Variants in CATSPERB observed in about 807,000 individuals in gnomAD.
The protein encoded by CATSPERB is catsper channel auxiliary subunit beta.
CATSPERB carries 93 observed loss-of-function variants against 128.3 expected under a neutral mutation model. The ratio of observed to expected loss-of-function variants is 0.72; its 90% CI spans 0.61 to 0.86. The LOEUF is 0.86. Among genes scored for constraint, CATSPERB ranks in the 40% least tolerant of loss-of-function variants. The probability of loss-of-function intolerance (pLI) is 0.00; values close to 1 mark genes in which losing one functional copy is unlikely to be tolerated. For missense variants in CATSPERB, 1,153 were observed against 1,329.5 expected (o/e 0.87, Z 2.06); for synonymous variants, 381 against 448.8 (o/e 0.85, Z 1.91).
intron 13 of CATSPERB, among the ~76,000 whole-genome samples, chr14:91,671,847 G>GT (rs1895095608): frequency 7.2e-5 from 11 of 151,874 alleles, no homozygotes; most frequent in African/African-American, 2.7e-4. Flanking sequence ...GTGAAACCCT[G>GT]CCTCTACTAA....
At chr14:91,628,936 C>CAT (rs1175250442) in intron 17 of CATSPERB, among the ~76,000 whole-genome samples, 3 of 152,198 alleles carry the variant, frequency 2.0e-5, no homozygotes, top group African/African-American at 7.2e-5. Flanking sequence ...GGAAATGATA[C>CAT]AGCCAGTCTG....
chr14:91,619,741 G>A (rs942670900), intron 19 of CATSPERB, among the ~76,000 whole-genome samples: 1 of 151,910 alleles, frequency 6.6e-6, no homozygotes, highest in Admixed American at 6.6e-5. Flanking sequence ...TAGTTTTAAA[G>A]TTCTTTTCCT....
intron 9 of CATSPERB, 149 bp from the exon 10 acceptor site, chr14:91,691,704 G>T: frequency 1.9e-6 from 1 of 540,316 alleles, no homozygotes. Flanking sequence ...TATCCTAGCA[G>T]TTAGGATAGC....
chr14:91,642,764 G>A (rs1894520506), intron 15 of CATSPERB, among the ~76,000 whole-genome samples: 1 of 140,894 alleles, frequency 7.1e-6, no homozygotes, highest in East Asian at 2.2e-4. Flanking sequence ...CTATTGATTG[G>A]AATAGTTTCA....
chr14:91,656,841 A>G (rs550001945), intron 15 of CATSPERB, among the ~76,000 whole-genome samples: 23 of 152,296 alleles, frequency 1.5e-4, no homozygotes, highest in Middle Eastern at 3.4e-3. Flanking sequence ...AGTGGAAACC[A>G]AAAGAGAGCA....
At chr14:91,708,283 G>T in intron 5 of CATSPERB, 47 bp from the exon 6 acceptor site, 2 of 1,252,774 alleles carry the variant, frequency 1.6e-6, no homozygotes, top group Non-Finnish European at 2.3e-6. Context: ...TTCATATGTT[G>T]TGTTTGGTGA....
chr14:91,607,484 T>C (rs997401000), intron 22 of CATSPERB, among the ~76,000 whole-genome samples: 1 of 152,046 alleles, frequency 6.6e-6, no homozygotes, highest in Admixed American at 6.5e-5. Flanking sequence ...GGGGTGGAAA[T>C]ATGCCCAGCA....
At chr14:91,722,644 G>A (rs1418311364) in intron 4 of CATSPERB, among the ~76,000 whole-genome samples, 1 of 152,126 alleles carries the variant, frequency 6.6e-6, no homozygotes, top group African/African-American at 2.4e-5. Flanking sequence ...TTAAATGAGT[G>A]AACTGTATGG....
rs900315344 is a variant in CATSPERB at position 91,616,338 on chromosome 14, A to T, written c.2400+1259T>A. On this transcript the variant is annotated intron_variant, in intron 20 of 26. Transcript: ENST00000256343. Reference sequence around the variant, plus strand: ...ATTATAAACTGTTGATTTACAATAAAAAAAAAGAAAAATGCTGAAGAGCAC... The same window carrying T: ...ATTATAAACTGTTGATTTACAATAATAAAAAAGAAAAATGCTGAAGAGCAC... Among the ~76,000 whole-genome samples, 3 of 152,222 alleles carry T rather than the reference A, an allele frequency of 2.0e-5. No individual in the cohort carries two copies. The East Asian group carries it at 5.8e-4, about 29-fold the overall frequency.
chr14:91,729,841 C>T (rs977905535), intron 1 of CATSPERB, among the ~76,000 whole-genome samples: 7 of 152,126 alleles, frequency 4.6e-5, no homozygotes, highest in African/African-American at 1.7e-4. Flanking sequence ...ATTTTGACAA[C>T]GTTGCTTTTG....
chr14:91,693,346 TA>T (rs1241799409), intron 8 of CATSPERB, 37 bp downstream of exon 8: 1 of 1,572,172 alleles, frequency 6.4e-7, no homozygotes, highest in Non-Finnish European at 8.7e-7. Flanking sequence ...TTGATGTAAG[TA>T]AAATGCTCAA....
intron 2 of CATSPERB, 95 bp downstream of exon 2, chr14:91,729,306 A>C (rs1007685221): frequency 3.9e-6 from 2 of 511,536 alleles, no homozygotes; most frequent in Non-Finnish European, 6.8e-6. Flanking sequence ...ATAAAGAAGA[A>C]ATACTAAAAG....
At chr14:91,585,628 T>G (rs1340312533) in intron 26 of CATSPERB, among the ~76,000 whole-genome samples, 1 of 152,244 alleles carries the variant, frequency 6.6e-6, no homozygotes, top group Non-Finnish European at 1.5e-5. Context: ...CTGTACTGCA[T>G]GGAGCATGGT....
At chr14:91,728,555 G>A (rs1474890660) in intron 2 of CATSPERB, among the ~76,000 whole-genome samples, 2 of 152,194 alleles carry the variant, frequency 1.3e-5, no homozygotes, top group Admixed American at 6.5e-5. Context: ...GATACTGTGA[G>A]GAGAGACAGA....
At chr14:91,666,427 A>T (rs1894984766) in intron 14 of CATSPERB, among the ~76,000 whole-genome samples, 1 of 152,208 alleles carries the variant, frequency 6.6e-6, no homozygotes, top group South Asian at 2.1e-4. Flanking sequence ...AACAGCCTTC[A>T]AAACCTTAAA....
chr14:91,717,133 G>T (rs1895957305), intron 5 of CATSPERB, among the ~76,000 whole-genome samples: 2 of 152,160 alleles, frequency 1.3e-5, no homozygotes, highest in South Asian at 4.1e-4. Context: ...GGCTGTATAG[G>T]TTATGATTCC....
rs1156919036 is a variant in CATSPERB, at chr14:91,580,862, T to C, written c.*27A>G. The C allele has an allele frequency of 6.4e-7, 1 of 1,568,588 alleles. No homozygotes were observed. ...GGAATTGGCTGATAAAACTAGAAAA[T>C]AAAGAGAAATTATGATCACCATGTG... is the stretch of plus-strand genomic sequence containing the variant. On this transcript the variant is annotated 3_prime_UTR_variant, in exon 27 of 27. Transcript: ENST00000256343.
At chr14:91,704,832 C>T (rs898099863) in intron 6 of CATSPERB, 131 bp from the exon 7 acceptor site, 11 of 832,446 alleles carry the variant, frequency 1.3e-5, no homozygotes, top group Middle Eastern at 2.6e-4. Context: ...CATTACCTCA[C>T]TCTGCATTGG....
At chr14:91,676,252 A>G (rs1895191556) in intron 11 of CATSPERB, among the ~76,000 whole-genome samples, 1 of 152,154 alleles carries the variant, frequency 6.6e-6, no homozygotes, top group Non-Finnish European at 1.5e-5. Flanking sequence ...CTGGTTGTGT[A>G]AAATAAGGAG....
Sources: gnomAD v4.1 joint callset for allele counts (sites outside exome capture counted in the v4.1 genomes callset) on GRCh38, gnomAD v4.1.1 for gene constraint, MANE v1.5 for transcripts, NCBI Gene and HGNC (gene_info 2026-07-23, HGNC 2026-07-21) for gene names.